The following PRUNE2 variants were observed in gnomAD, a reference collection of about 807,000 sequenced individuals.
The protein encoded by PRUNE2 is prune homolog 2 with BCH domain.
Under a neutral mutation model 252.0 loss-of-function variants are expected in PRUNE2, and 164 were observed. The ratio of observed to expected loss-of-function variants is 0.65; its 90% CI spans 0.57 to 0.74. The LOEUF (loss-of-function observed/expected upper bound fraction) is 0.74, where lower values mean the gene tolerates loss of function less well. Ranked by LOEUF, PRUNE2 falls within the 30% of genes least tolerant of loss-of-function variation. PRUNE2 has a pLI of 0.00. For synonymous variants in PRUNE2, 1,292 were observed against 1,350.2 expected, an observed-to-expected ratio of 0.96 and a Z score of 0.94; for missense variants, 3,495 against 3,711.0, an observed-to-expected ratio of 0.94 and a Z score of 1.51.
At chr9:76,764,203 G>T (rs2052065085) in intron 6 of PRUNE2, among the ~76,000 whole-genome samples, 1 of 151,876 alleles carries the variant, frequency 6.6e-6, no homozygotes, top group African/African-American at 2.4e-5. Flanking sequence ...TCATGGAGCT[G>T]CATTTCAGTG....
At chr9:76,656,594 G>A (rs1849335877) in intron 9 of PRUNE2, among the ~76,000 whole-genome samples, 2 of 152,216 alleles carry the variant, frequency 1.3e-5, no homozygotes, top group South Asian at 4.2e-4. Context: ...CACCCTTAGC[G>A]ATTACTGCAT....
At chr9:76,695,636 C>T (rs1021426097) in intron 9 of PRUNE2, among the ~76,000 whole-genome samples, 1 of 152,174 alleles carries the variant, frequency 6.6e-6, no homozygotes, top group African/African-American at 2.4e-5. Context: ...TAGCACATCT[C>T]CCTTGGGAAA....
chr9:76,707,669 A>T lies in PRUNE2; in HGVS notation c.4605T>A (p.Thr1535=). ...TTGAATGAGTATACTCACTAGAAAT[A>T]GTATCTCTGTCAAAATTTCCAGACG... ...AGSSGNFDRD[T]ISSEYTHSSA... The change falls in exon 8 of 19, where the codon ACT becomes ACA. Residue 1535 remains threonine, a synonymous_variant. Coordinates refer to ENST00000376718, the MANE Select transcript of PRUNE2 (RefSeq NM_015225.3). The T allele has an allele frequency of 6.2e-7, 1 of 1,613,964 alleles. No homozygotes were observed. The highest frequency in any genetic ancestry group is 8.5e-7 in the Non-Finnish European group (1 of 1,179,862).
intron 4 of PRUNE2, among the ~76,000 whole-genome samples, chr9:76,839,190 AAT>A: frequency 6.6e-6 from 1 of 152,324 alleles, no homozygotes; most frequent in South Asian, 2.1e-4. Flanking sequence ...CAGTCATAAA[AAT>A]AGAGAGCACA....
At chr9:76,833,643 T>G (rs1392805016) in intron 4 of PRUNE2, among the ~76,000 whole-genome samples, 1 of 151,646 alleles carries the variant, frequency 6.6e-6, no homozygotes, top group Non-Finnish European at 1.5e-5. Flanking sequence ...CAGGCGCCTC[T>G]AGTCCCAGCT....
intron 6 of PRUNE2, among the ~76,000 whole-genome samples, chr9:76,789,696 A>G (rs970644197): frequency 1.3e-5 from 2 of 152,178 alleles, no homozygotes; most frequent in African/African-American, 2.4e-5. Context: ...AGACAGGGCT[A>G]TGGTCAGTGA....
intron 6 of PRUNE2, among the ~76,000 whole-genome samples, chr9:76,716,340 C>A (rs764154048): frequency 6.6e-6 from 1 of 152,206 alleles, no homozygotes; most frequent in Non-Finnish European, 1.5e-5. Flanking sequence ...AAACACTAGA[C>A]CTATTGAAGC....
At chr9:76,684,832 A>C (rs1158777621) in intron 9 of PRUNE2, among the ~76,000 whole-genome samples, 1 of 151,104 alleles carries the variant, frequency 6.6e-6, no homozygotes, top group African/African-American at 2.4e-5. Flanking sequence ...GCTCACTGAA[A>C]CCTCCACCTC....
At chr9:76,875,527 G>A (rs1202319507) in intron 1 of PRUNE2, among the ~76,000 whole-genome samples, 11 of 151,784 alleles carry the variant, frequency 7.2e-5, no homozygotes, top group African/African-American at 1.5e-4. Flanking sequence ...CACCATGCCC[G>A]GCCAATTTTT....
intron 6 of PRUNE2, among the ~76,000 whole-genome samples, chr9:76,723,298 T>C (rs935497786): frequency 6.6e-6 from 1 of 152,212 alleles, no homozygotes; most frequent in Non-Finnish European, 1.5e-5. Flanking sequence ...TATCCAGAAG[T>C]ATCCTCACGT....
rs779375636 is a variant in PRUNE2, at chr9:76,710,859, A to AT, written c.1414dup (p.Ile472AsnfsTer3). ...TTCCTCCGCCACCGCCCCTTCAGGGATGGGGCTGTAGGAGTCAAGCCCTGG... is the reference window on the plus strand; with the variant it reads ...TTCCTCCGCCACCGCCCCTTCAGGGATTGGGGCTGTAGGAGTCAAGCCCTGG... On this transcript the variant is annotated frameshift_variant, in exon 8 of 19. Transcript: ENST00000376718. LOFTEE classifies it high-confidence loss of function. 1.3e-6 allele frequency: 2 copies of AT among 1,543,954 alleles called. No homozygotes were observed. Among genetic ancestry groups the AT allele is most frequent in the Non-Finnish European group, 1.7e-6 (2 of 1,147,318 alleles).
rs768649299 is a variant in PRUNE2, at chr9:76,703,594, C to T, written c.8019G>A (p.Gln2673=). 19 of 1,613,456 alleles carry T rather than the reference C, an allele frequency of 1.2e-5. 1 individual carries two copies. In the South Asian group the frequency reaches 2.1e-4, roughly 18 times the overall value. Residue 2673 remains glutamine, a synonymous_variant, in exon 9 of 19, where the codon CAG becomes CAA. Coordinates refer to ENST00000376718, the MANE Select transcript of PRUNE2 (RefSeq NM_015225.3). ...FSELGLGEGP[Q]LQILEEMKPL... is the part of the protein sequence containing the mutation. ...GCTTCATTTCTTCCAGAATCTGCAG[C>T]TGGGGACCCTCACCCAAGCCGAGTT...
At chr9:76,886,374 A>C (rs1447005520) in intron 1 of PRUNE2, among the ~76,000 whole-genome samples, 2 of 152,034 alleles carry the variant, frequency 1.3e-5, no homozygotes, top group Non-Finnish European at 2.9e-5. Context: ...TTTTCCTTTC[A>C]CCTTAAGGCT....
At chr9:76,655,646 G>C in intron 9 of PRUNE2, 144 bp from the exon 10 acceptor site, 1 of 627,338 alleles carries the variant, frequency 1.6e-6, no homozygotes, top group South Asian at 2.0e-5. Flanking sequence ...ACTGTAAGTG[G>C]TCCCAAATTA....
intron 6 of PRUNE2, among the ~76,000 whole-genome samples, chr9:76,756,831 C>T (rs2051199467): frequency 1.3e-5 from 2 of 151,904 alleles, no homozygotes; most frequent in Admixed American, 1.3e-4. Flanking sequence ...TGCTGTTCCC[C>T]ACCCACCCTG....
intron 6 of PRUNE2, among the ~76,000 whole-genome samples, chr9:76,813,798 A>G (rs1275025809): frequency 6.6e-6 from 1 of 152,200 alleles, no homozygotes; most frequent in Non-Finnish European, 1.5e-5. Flanking sequence ...TATATGATAT[A>G]TTGTGTATAT....
intron 6 of PRUNE2, among the ~76,000 whole-genome samples, chr9:76,717,679 C>T (rs960245820): frequency 6.6e-6 from 1 of 151,956 alleles, no homozygotes; most frequent in Non-Finnish European, 1.5e-5. Flanking sequence ...ACTTACCACC[C>T]CCCCCACCAG....
At chr9:76,750,447 C>T (rs1589009239) in intron 6 of PRUNE2, among the ~76,000 whole-genome samples, 1 of 152,158 alleles carries the variant, frequency 6.6e-6, no homozygotes, top group Admixed American at 6.5e-5. Context: ...GGGAAAAAAA[C>T]ACCCCACACA....
chr9:76,708,897 G>A lies in PRUNE2; in HGVS notation c.3377C>T (p.Thr1126Ile). The change falls in exon 8 of 19, where the codon ACT becomes ATT. Residue 1126 changes from threonine to isoleucine, a missense_variant. Coordinates refer to ENST00000376718, the MANE Select transcript of PRUNE2 (RefSeq NM_015225.3). The stretch of plus-strand genomic sequence containing the variant: ...ATTGTCCATATCTGAGATCGTTGCA[G>A]TGGACTGAGTATCCTCCAAAATCAC... Reference protein sequence around the residue: ...NRVILEDTQSTATISDMDNDL... With the variant: ...NRVILEDTQSIATISDMDNDL... 6.2e-7 allele frequency: 1 copy of A among 1,614,000 alleles called. No homozygotes were observed. The highest frequency in any genetic ancestry group is 8.5e-7 in the Non-Finnish European group (1 of 1,179,902).
Sources: allele counts gnomAD v4.1 joint callset (sites outside exome capture counted in the v4.1 genomes callset), GRCh38; gene constraint gnomAD v4.1.1; transcripts MANE v1.5; gene names NCBI Gene and HGNC (gene_info 2026-07-23, HGNC 2026-07-21).